Variants in ABCA13 observed in about 807,000 individuals in gnomAD.
ABCA13 encodes the protein ATP-binding cassette sub-family A member 13.
ABCA13 carries 476 observed loss-of-function variants against 478.7 expected under a neutral mutation model. The ratio of observed to expected loss-of-function variants is 0.99; its 90% confidence interval spans 0.92 to 1.07. ABCA13 has a LOEUF of 1.07. ABCA13 is among the 50% of genes least tolerant of loss of function. ABCA13 has a pLI of 0.00. For missense variants in ABCA13, 6,060 were observed against 5,910.6 expected (o/e 1.03, Z -0.83); for synonymous variants, 2,252 against 2,158.9 (o/e 1.04, Z -1.20).
At chr7:48,379,792 A>G (rs920398083) in intron 35 of ABCA13, among the ~76,000 whole-genome samples, 2 of 152,232 alleles carry the variant, frequency 1.3e-5, no homozygotes, top group African/African-American at 4.8e-5. Context: ...ACATGAATGA[A>G]GTGAATAAAA....
At chr7:48,216,880 C>T (rs1332500655) in intron 3 of ABCA13, among the ~76,000 whole-genome samples, 1 of 152,154 alleles carries the variant, frequency 6.6e-6, no homozygotes, top group Non-Finnish European at 1.5e-5. Flanking sequence ...AACATTGAAT[C>T]ATCCAATCCA....
At chr7:48,330,770 CATCCATCCATCT>C (rs1289901128) in intron 27 of ABCA13, among the ~76,000 whole-genome samples, 1 of 151,996 alleles carries the variant, frequency 6.6e-6, no homozygotes, top group Non-Finnish European at 1.5e-5. Flanking sequence ...TCCATCCATC[CATCCATCCATCT>C]ATACATTAAT....
chr7:48,263,968 C>T (rs1191816962), intron 15 of ABCA13, among the ~76,000 whole-genome samples: 1 of 151,890 alleles, frequency 6.6e-6, no homozygotes, highest in Non-Finnish European at 1.5e-5. Flanking sequence ...TGCCCTGTCA[C>T]CAGGCTACCA....
rs1257939340 is a variant in ABCA13 at position 48,202,764 on chromosome 7, G to C, written c.287+4404G>C. Reference sequence around the variant, plus strand: ...TTACAAACCTTGAGCTAGATACAGAGTGCCCATTGGTGTATTTACAATCCC... The same window carrying C: ...TTACAAACCTTGAGCTAGATACAGACTGCCCATTGGTGTATTTACAATCCC... On this transcript the variant is annotated intron_variant, in intron 3 of 61. Transcript: ENST00000435803. Among the ~76,000 whole-genome samples, 3 of 152,240 alleles carry C rather than the reference G, an allele frequency of 2.0e-5. No individual in the cohort carries two copies. In the East Asian group the frequency reaches 5.8e-4, roughly 29 times the overall value.
In ABCA13 at chr7:48,644,722, C is replaced by G; in HGVS notation, c.15049C>G (p.His5017Asp). Residue 5017 changes from histidine to aspartate, a missense_variant, in exon 61 of 62, where the codon CAT (histidine) becomes GAT (aspartate). Transcript: ENST00000435803. ...ENNKTFLNIK[H>D]YSINQTTLEQ... ...CAATAAAACCTTCTTGAATATTAAG[C>G]ATTATTCCATTAACCAAACCACTTT... The G allele has an allele frequency of 3.7e-6, 6 of 1,604,716 alleles. No individual in the cohort carries two copies. The highest frequency in any genetic ancestry group is 5.1e-6 in the Non-Finnish European group (6 of 1,177,508).
Position 48,389,082 on chromosome 7 carries a change from C to A in ABCA13, c.11516C>A (p.Ala3839Asp). 1.2e-6 allele frequency: 2 copies of A among 1,613,862 alleles called. No individual in the cohort carries two copies. Among genetic ancestry groups the A allele is most frequent in the Non-Finnish European group, 1.7e-6 (2 of 1,179,826 alleles). ...AGGGAAGGAGAGCTTGAAGGAAGTG[C>A]CCCGGGAGTCACCCTGGTGTCTGTG... ...QNREGELEGS[A>D]PGVTLVSVTK... Residue 3839 changes from alanine to aspartate, a missense_variant, in exon 37 of 62, where the codon GCC becomes GAC. This residue lies in a region of ABCA13 where 1,627 missense variants were observed against 1,571.0 expected (regional missense o/e 1.04). Transcript: ENST00000435803.
intron 57 of ABCA13, among the ~76,000 whole-genome samples, chr7:48,590,615 G>T (rs1256085036): frequency 1.3e-5 from 2 of 152,068 alleles, no homozygotes; most frequent in Admixed American, 6.6e-5. Flanking sequence ...GTGTATAAGG[G>T]TTCACTTTTC....
intron 2 of ABCA13, among the ~76,000 whole-genome samples, chr7:48,193,489 GTGA>G (rs577366904): frequency 2.2e-4 from 34 of 151,764 alleles, no homozygotes; most frequent in East Asian, 1.8e-3. Flanking sequence ...GGAGATGATG[GTGA>G]TGATGATGAC....
chr7:48,577,116 G>C (rs1423614586), intron 55 of ABCA13, among the ~76,000 whole-genome samples: 1 of 152,084 alleles, frequency 6.6e-6, no homozygotes. Context: ...TGATGCATCT[G>C]TTAGAAAAGA....
chr7:48,393,144 G>A (rs1194796889), intron 38 of ABCA13, among the ~76,000 whole-genome samples: 2 of 152,224 alleles, frequency 1.3e-5, no homozygotes, highest in African/African-American at 4.8e-5. Flanking sequence ...ACAAAGTGGT[G>A]TTTGAGGGTG....
intron 42 of ABCA13, among the ~76,000 whole-genome samples, chr7:48,450,972 C>CT (rs11423408): frequency 0.25 from 34,749 of 139,402 alleles, 4,925 homozygotes; most frequent in African/African-American, 0.4. Flanking sequence ...TTATTATATT[C>CT]TTTTTTTTTT....
chr7:48,592,377 G>A (rs1789847976), intron 57 of ABCA13, among the ~76,000 whole-genome samples: 2 of 151,762 alleles, frequency 1.3e-5, no homozygotes, highest in South Asian at 4.1e-4. Context: ...ACACATATTT[G>A]TGAATTTTAC....
intron 55 of ABCA13, among the ~76,000 whole-genome samples, chr7:48,558,310 A>G (rs1474779874): frequency 6.7e-6 from 1 of 149,180 alleles, no homozygotes; most frequent in East Asian, 2.0e-4. Context: ...CAGTGGTGCA[A>G]TCTTGGCTCA....
intron 3 of ABCA13, among the ~76,000 whole-genome samples, chr7:48,213,643 G>C (rs1224584357): frequency 2.6e-5 from 4 of 152,170 alleles, no homozygotes; most frequent in Non-Finnish European, 5.9e-5. Flanking sequence ...TTTCTCTGTA[G>C]CATATGATGC....
chr7:48,473,750 CCT>C (rs2130363640), intron 45 of ABCA13, among the ~76,000 whole-genome samples: 1 of 152,198 alleles, frequency 6.6e-6, no homozygotes, highest in Non-Finnish European at 1.5e-5. Context: ...CACTCCAGTG[CCT>C]CTCTGGGCCT....
chr7:48,515,955 G>A (rs1040140615), intron 51 of ABCA13, among the ~76,000 whole-genome samples: 1 of 152,134 alleles, frequency 6.6e-6, no homozygotes, highest in Non-Finnish European at 1.5e-5. Context: ...CCACAGAGCC[G>A]ACAAGTTCAG....
At chr7:48,296,609 G>A (rs940098373) in intron 21 of ABCA13, among the ~76,000 whole-genome samples, 3 of 151,698 alleles carry the variant, frequency 2.0e-5, no homozygotes, top group Admixed American at 6.6e-5. Context: ...ACAGGCACCC[G>A]CCACCATGCC....
chr7:48,400,712 G>T (rs757663282), intron 38 of ABCA13, among the ~76,000 whole-genome samples: 21 of 152,148 alleles, frequency 1.4e-4, no homozygotes, highest in East Asian at 1.9e-4. Context: ...TTTGCAATGG[G>T]GTTCTCTTCC....
chr7:48,443,259 C>A (rs1391068364), intron 42 of ABCA13, among the ~76,000 whole-genome samples: 1 of 152,172 alleles, frequency 6.6e-6, no homozygotes, highest in Non-Finnish European at 1.5e-5. Flanking sequence ...CTGACTAATA[C>A]AACTGGGGAA....
Sources: gnomAD v4.1 joint callset for allele counts (sites outside exome capture counted in the v4.1 genomes callset) on GRCh38, gnomAD v4.1.1 for gene constraint, gnomAD v4.1.1 regional missense constraint, MANE v1.5 for transcripts, NCBI Gene and HGNC (gene_info 2026-07-23, HGNC 2026-07-21) for gene names.